Variants in MFSD12 observed in about 807,000 individuals in gnomAD.
The protein encoded by MFSD12 is major facilitator superfamily domain containing 12.
Under a neutral mutation model 51.2 loss-of-function variants are expected in MFSD12, and 67 were observed. The ratio of observed to expected loss-of-function variants is 1.31; its 90% CI spans 1.08 to 1.60. MFSD12 has a LOEUF of 1.60. Among genes scored for constraint, MFSD12 ranks in the 40% most tolerant of loss-of-function variants. The pLI, the probability that MFSD12 is intolerant of heterozygous loss-of-function variation, is 0.00. For missense variants in MFSD12, 921 were observed against 673.0 expected (o/e 1.37, Z -4.08); for synonymous variants, 441 against 316.7 (o/e 1.39, Z -4.17).
chr19:3,556,449 G>A (rs1255180801), intron 1 of MFSD12, among the ~76,000 whole-genome samples: 1 of 152,220 alleles, frequency 6.6e-6, no homozygotes, highest in Non-Finnish European at 1.5e-5. Context: ...TGGACCAAGG[G>A]ACAGACAGAG....
chr19:3,547,688 A>T (rs1354619577), intron 4 of MFSD12, 141 bp from the exon 5 acceptor site: 1 of 1,170,970 alleles, frequency 8.5e-7, no homozygotes, highest in Non-Finnish European at 1.2e-6. Flanking sequence ...GGGGTGGGCC[A>T]GGAAGAGGAG....
Position 3,547,771 on chromosome 19 carries a change from C to G in MFSD12, c.837+77G>C. ...GGGCCACGTGTGCTCTGCGTCTGGA[C>G]GCAGCTGCCCCACAGAGCAAAGGCC... On this transcript the variant is annotated intron_variant, in intron 4 of 9. Coordinates refer to ENST00000355415, the MANE Select transcript of MFSD12 (RefSeq NM_174983.5). 4.2e-6 allele frequency: 6 copies of G among 1,436,922 alleles called. No homozygotes were observed. The South Asian group carries it at 7.4e-5, about 18-fold the overall frequency. The allele number at this position is 1,436,922 out of a possible 1,614,324, so 89.0% of individuals were successfully genotyped here. A position where few individuals can be genotyped will look rare whatever the true frequency, so the allele number is the denominator to read the frequency against.
chr19:3,548,574 A>G (rs1338240172), intron 2 of MFSD12, among the ~76,000 whole-genome samples: 1 of 152,216 alleles, frequency 6.6e-6, no homozygotes, highest in Non-Finnish European at 1.5e-5. Context: ...CTCAGAAGCC[A>G]GAATTCGAGA....
chr19:3,538,826 G>A, intron 4 of MFSD12: 1 of 555,764 alleles, frequency 1.8e-6, no homozygotes, highest in Non-Finnish European at 3.6e-6. Context: ...ACAGGTGCCT[G>A]CGACCCCGGC....
At chr19:3,556,080 G>T (rs1429902498) in intron 1 of MFSD12, among the ~76,000 whole-genome samples, 1 of 152,168 alleles carries the variant, frequency 6.6e-6, no homozygotes, top group East Asian at 1.9e-4. Context: ...TGCAAGAACA[G>T]GGCAGAGACC....
chr19:3,557,084 G>A, intron 1 of MFSD12, 22 bp downstream of exon 1: 2 of 1,438,268 alleles, frequency 1.4e-6, no homozygotes, highest in Middle Eastern at 5.0e-4. Context: ...TGCCCGACAG[G>A]TGGCGGGGCC....
intron 2 of MFSD12, 80 bp from the exon 3 acceptor site, chr19:3,548,347 G>C: frequency 6.6e-7 from 1 of 1,508,878 alleles, no homozygotes; most frequent in Non-Finnish European, 8.8e-7. Context: ...CGCCGTCAGA[G>C]AGGCCTGGGG....
rs771346601 is a variant in MFSD12 at position 3,544,890 on chromosome 19, C to T, written c.1339G>A (p.Val447Met). 6.2e-7 allele frequency: 1 copy of T among 1,612,014 alleles called. No homozygotes were observed. The highest frequency in any genetic ancestry group is 8.5e-7 in the Non-Finnish European group (1 of 1,179,596). The change falls in exon 9 of 10, where the codon GTG (valine) becomes ATG (methionine). Residue 447 changes from valine (V) to methionine (M), a missense_variant. Coordinates refer to ENST00000355415, the MANE Select transcript of MFSD12 (RefSeq NM_174983.5). Reference sequence around the variant, plus strand: ...ACGCCCACGCCGCCCGTCACAGCCACCATCGCCCAGTGGTAAAAGCTCACG... The same window carrying T: ...ACGCCCACGCCGCCCGTCACAGCCATCATCGCCCAGTGGTAAAAGCTCACG... ...ACVSFYHWAM[V>M]AVTGGVGVAA... is the part of the protein sequence containing the mutation.
chr19:3,555,475 G>A (rs1205666634), intron 1 of MFSD12, among the ~76,000 whole-genome samples: 1 of 152,140 alleles, frequency 6.6e-6, no homozygotes, highest in Non-Finnish European at 1.5e-5. Flanking sequence ...GGGGCCCTGG[G>A]CTCCGCTCAG....
downstream of MFSD12, chr19:3,543,591 A>G (rs1438732829): frequency 2.6e-6 from 4 of 1,543,322 alleles, no homozygotes; most frequent in Non-Finnish European, 8.7e-7. Context: ...GCCTGGCATG[A>G]CCCCATCGTC....
chr19:3,543,702 G>A (rs956625949), downstream of MFSD12: 3 of 1,508,626 alleles, frequency 2.0e-6, no homozygotes, highest in Non-Finnish European at 2.7e-6. Flanking sequence ...TGCAGGGTGG[G>A]TCCTTGGGAG....
intron 9 of MFSD12, 30 bp downstream of exon 9, chr19:3,544,779 C>G (rs775337001): frequency 1.4e-5 from 8 of 571,052 alleles, no homozygotes; most frequent in African/African-American, 1.2e-4. Flanking sequence ...GGGTCAGTGT[C>G]TGGGGAGGGA....
At position 3,546,302 on chromosome 19, in the gene MFSD12, G is replaced by C. The variant is rs774545631; in HGVS notation, c.1147C>G (p.Leu383Val). The C allele has an allele frequency of 5.0e-6, 8 of 1,610,048 alleles. No individual in the cohort carries two copies. The African/African-American group carries it at 1.1e-4, about 21-fold the overall frequency. Residue 383 changes from leucine to valine, a missense_variant, in exon 7 of 10, where the codon CTC becomes GTC. Transcript: ENST00000355415. ...GCCGTCATGGCCAGCGAGGTGACGA[G>C]GATGGTGGCACAGCCAGCACCCAGC... ...VLLGAGCATI[L>V]VTSLAMTADL...
intron 8 of MFSD12, among the ~76,000 whole-genome samples, chr19:3,545,629 C>T (rs918541645): frequency 1.2e-4 from 19 of 152,368 alleles, no homozygotes; most frequent in African/African-American, 2.6e-4. Context: ...ACACCACCCA[C>T]GCCGGTACCA....
downstream of MFSD12, chr19:3,544,067 C>T (rs2030717484): frequency 8.8e-6 from 13 of 1,474,674 alleles, no homozygotes; most frequent in Middle Eastern, 1.8e-4. Context: ...GGGCACTAAC[C>T]TAGTCCCAGG....
rs200035015 is a variant in MFSD12 at position 3,546,148 on chromosome 19, G to A, written c.1215C>T (p.Tyr405=). 1.6e-4 allele frequency: 258 copies of A among 1,613,148 alleles called. 2 individuals are homozygous for A. The South Asian group carries it at 1.7e-3, about 11-fold the overall frequency. ...GPHTNSGAFV[Y]GSMSFLDKVA... ...CCTTATCCAAGAAGCTCATGGAGCCGTACACGAACGCTCCGCTGTTCTGTG... is the reference window on the plus strand; with the variant it reads ...CCTTATCCAAGAAGCTCATGGAGCCATACACGAACGCTCCGCTGTTCTGTG... The change falls in exon 8 of 10, where the codon TAC becomes TAT. Residue 405 remains tyrosine (Y), a synonymous_variant. Transcript: ENST00000355415.
In MFSD12 at chr19:3,547,373, G is replaced by A; in HGVS notation, c.931-9C>T. The A allele has an allele frequency of 7.4e-6, 12 of 1,613,112 alleles. No individual in the cohort carries two copies. The highest frequency in any genetic ancestry group is 1.0e-5 in the Non-Finnish European group (12 of 1,179,872). On this transcript the variant is annotated splice_polypyrimidine_tract_variant and intron_variant, in intron 5 of 9. Coordinates refer to ENST00000355415, the MANE Select transcript of MFSD12 (RefSeq NM_174983.5). ...ATGGTCGCGATGAACTTCTGCGGAG[G>A]CAGAGCCAGGCATGCCGTGTCAGTC...
In MFSD12 at chr19:3,551,972, G is replaced by A. The variant is rs927118216; in HGVS notation, c.299-778C>T. Among the ~76,000 whole-genome samples, 1 of 151,968 alleles carries A rather than the reference G, an allele frequency of 6.6e-6. No homozygotes were observed. Among genetic ancestry groups the A allele is most frequent in the African/African-American group, 2.4e-5 (1 of 41,350 alleles). On this transcript the variant is annotated intron_variant, in intron 1 of 9. Coordinates refer to ENST00000355415, the MANE Select transcript of MFSD12 (RefSeq NM_174983.5). This position sits in a 1 kb window ranked among gnomAD's most constrained non-coding sequence, Gnocchi z 4.6. ...CTCTCTCTCACATCTTAGCAAGACT[G>A]GCTCCTTTTCACCTCTGGGCTCAAC...
rs765939895 is a variant in MFSD12, at chr19:3,538,715, C to CA, written c.*46dup. 279 of 475,804 alleles carry CA rather than the reference C, an allele frequency of 5.9e-4. 1 individual carries two copies. The highest frequency in any genetic ancestry group is 9.0e-4 in the Non-Finnish European group (206 of 229,088). The allele number at this position is 475,804 out of a possible 1,614,324, so 29.5% of individuals were successfully genotyped here. On this transcript the variant is annotated 3_prime_UTR_variant, in exon 5 of 5. Transcript: ENST00000398558. ...TTCGGTGTTCTCCGCCTCGGGCTGT[C>CA]ACAAATCGTGCTGCTGTGAGCCACT... is the stretch of plus-strand genomic sequence containing the variant.
Sources: allele counts gnomAD v4.1 joint callset (sites outside exome capture counted in the v4.1 genomes callset), GRCh38; gene constraint gnomAD v4.1.1; non-coding constraint Gnocchi (gnomAD v3.1); transcripts MANE v1.5; gene names NCBI Gene and HGNC (gene_info 2026-07-23, HGNC 2026-07-21).